GRID2: variants seen among roughly 807,000 people sequenced by gnomAD.
GRID2 encodes the protein glutamate ionotropic receptor delta type subunit 2.
Under a neutral mutation model 114.8 loss-of-function variants are expected in GRID2, and 33 were observed. That is an observed-to-expected ratio of 0.29 (90% confidence interval 0.22 to 0.38). The LOEUF is 0.38. GRID2 is among the 10% of genes least tolerant of loss of function. GRID2 has a pLI of 1.00. For missense variants in GRID2, 1,184 were observed against 1,257.7 expected, an observed-to-expected ratio of 0.94 and a Z score of 0.89; for synonymous variants, 505 against 449.9, an observed-to-expected ratio of 1.12 and a Z score of -1.55.
At chr4:93,676,703 C>A (rs180892682) in intron 14 of GRID2, among the ~76,000 whole-genome samples, 1 of 149,080 alleles carries the variant, frequency 6.7e-6, no homozygotes, top group Admixed American at 6.7e-5. Context: ...TGCACATATA[C>A]CCTAAAACTT....
In GRID2 at chr4:92,798,951, C is replaced by T. The variant is rs528065040; in HGVS notation, c.244+208665C>T. 2.0e-5 allele frequency among the ~76,000 whole-genome samples: 3 copies of T among 152,086 alleles called. No homozygotes were observed. In the Middle Eastern group the frequency reaches 0.01, roughly 517 times the overall value. ...TCCTAAGGCTACTATAACAAATGCACACTGGATAGCTTAAACCAATGGTCC... is the reference window on the plus strand; with the variant it reads ...TCCTAAGGCTACTATAACAAATGCATACTGGATAGCTTAAACCAATGGTCC... On this transcript the variant is annotated intron_variant, in intron 2 of 15. Transcript: ENST00000282020.
chr4:92,913,046 G>A (rs935529150), intron 2 of GRID2, among the ~76,000 whole-genome samples: 3 of 151,434 alleles, frequency 2.0e-5, no homozygotes, highest in African/African-American at 4.8e-5. Context: ...ATAACTTTGT[G>A]GTTTAAGATT....
rs75496532 is a variant in GRID2 at position 93,481,246 on chromosome 4, C to T, written c.1859-9393C>T. Among the ~76,000 whole-genome samples, 137 of 152,134 alleles carry T rather than the reference C, an allele frequency of 9.0e-4. 1 individual carries two copies. The highest frequency in any genetic ancestry group is 3.1e-3 in the African/African-American group (127 of 41,540). ...TTTCCTATGTCAAGTTATTGAAAAG[C>T]ATTTGTGCAGAAGAAGGCTGATTCC... On this transcript the variant is annotated intron_variant, in intron 11 of 15. Transcript: ENST00000282020.
chr4:92,833,215 C>T (rs1055549529), intron 2 of GRID2, among the ~76,000 whole-genome samples: 2 of 152,104 alleles, frequency 1.3e-5, no homozygotes, highest in South Asian at 2.1e-4. Flanking sequence ...TCCAGAGAAG[C>T]GGGGGAAGTC....
intron 1 of GRID2, among the ~76,000 whole-genome samples, chr4:92,375,106 AG>A (rs1394688922): frequency 6.6e-6 from 1 of 152,156 alleles, no homozygotes; most frequent in Non-Finnish European, 1.5e-5. Context: ...ATGAACCTAA[AG>A]CAAGTTTTCC....
At chr4:93,533,261 CCT>C (rs1731651869) in intron 13 of GRID2, among the ~76,000 whole-genome samples, 1 of 32,696 alleles carries the variant, frequency 3.1e-5, no homozygotes, top group Non-Finnish European at 8.8e-5. Flanking sequence ...TTCCTTCCTT[CCT>C]TCCTTCCTTC....
At chr4:92,932,133 A>G (rs1779099197) in intron 2 of GRID2, among the ~76,000 whole-genome samples, 1 of 151,314 alleles carries the variant, frequency 6.6e-6, no homozygotes, top group African/African-American at 2.4e-5. Flanking sequence ...TAGATAAGAA[A>G]AAGAGTCGGG....
intron 2 of GRID2, among the ~76,000 whole-genome samples, chr4:93,069,219 C>A (rs1362596421): frequency 6.6e-6 from 1 of 151,096 alleles, no homozygotes; most frequent in Non-Finnish European, 1.5e-5. Flanking sequence ...CAAACTATAT[C>A]AATCCATGTA....
At chr4:92,787,362 A>G (rs1161255271) in intron 2 of GRID2, among the ~76,000 whole-genome samples, 1 of 151,930 alleles carries the variant, frequency 6.6e-6, no homozygotes, top group African/African-American at 2.4e-5. Context: ...TAGGGGTTCC[A>G]GGAATGAAAA....
Position 92,998,335 on chromosome 4 carries a change from A to C in GRID2, c.245-86660A>C, listed in dbSNP as rs1755330716. Among the ~76,000 whole-genome samples, 4 of 152,164 alleles carry C rather than the reference A, an allele frequency of 2.6e-5. No individual in the cohort carries two copies. In the South Asian group the frequency reaches 8.3e-4, roughly 32 times the overall value. ...CTATTTTCACTGATCTTAATCAAAG[A>C]AAATTATATTCTCTACATCATAATG... is the stretch of plus-strand genomic sequence containing the variant. On this transcript the variant is annotated intron_variant, in intron 2 of 15. Coordinates refer to ENST00000282020, the MANE Select transcript of GRID2 (RefSeq NM_001510.4).
At chr4:93,347,846 T>A (rs1760394672) in intron 8 of GRID2, among the ~76,000 whole-genome samples, 1 of 152,184 alleles carries the variant, frequency 6.6e-6, no homozygotes, top group Non-Finnish European at 1.5e-5. Flanking sequence ...CACTACCTTA[T>A]ACTGCATCTC....
chr4:92,818,835 G>T (rs977765150), intron 2 of GRID2, among the ~76,000 whole-genome samples: 1 of 152,058 alleles, frequency 6.6e-6, no homozygotes, highest in Non-Finnish European at 1.5e-5. Flanking sequence ...ATACTTACTT[G>T]AAGCATGTTT....
At chr4:92,826,857 T>G (rs1212755602) in intron 2 of GRID2, among the ~76,000 whole-genome samples, 3 of 152,106 alleles carry the variant, frequency 2.0e-5, no homozygotes, top group Non-Finnish European at 4.4e-5. Context: ...AGACTGGTAA[T>G]TGGTTTGATT....
At chr4:93,630,248 A>G (rs530555832) in intron 14 of GRID2, among the ~76,000 whole-genome samples, 1 of 152,172 alleles carries the variant, frequency 6.6e-6, no homozygotes, top group African/African-American at 2.4e-5. Context: ...CTTGCAGTGA[A>G]TTCTCTACCT....
chr4:93,433,360 G>A (rs1361444286), intron 10 of GRID2, among the ~76,000 whole-genome samples: 1 of 152,108 alleles, frequency 6.6e-6, no homozygotes, highest in Non-Finnish European at 1.5e-5. Flanking sequence ...GGTTTGTCTG[G>A]TGGAGGTGAT....
In GRID2 at chr4:92,826,363, C is replaced by T. The variant is rs1389923561; in HGVS notation, c.244+236077C>T. Among the ~76,000 whole-genome samples the T allele has an allele frequency of 7.2e-5, 11 of 152,062 alleles. No individual in the cohort carries two copies. In the East Asian group the frequency reaches 2.1e-3, roughly 29 times the overall value. On this transcript the variant is annotated intron_variant, in intron 2 of 15. Coordinates refer to ENST00000282020, the MANE Select transcript of GRID2 (RefSeq NM_001510.4). ...TCATTGAGGCTTTTCCTGGATGCAC[C>T]ATCTAATGACGTTCCAACCAGCAAT...
In GRID2 at chr4:92,542,059, T is replaced by G. The variant is rs1342411357; in HGVS notation, c.89-48072T>G. On this transcript the variant is annotated intron_variant, in intron 1 of 15. Coordinates refer to ENST00000282020, the MANE Select transcript of GRID2 (RefSeq NM_001510.4). Reference sequence around the variant, plus strand: ...CAAGAAAGGCCATATCACAATGTAATAACTGTGGTTCTTAGGTCAAGAATA... The same window carrying G: ...CAAGAAAGGCCATATCACAATGTAAGAACTGTGGTTCTTAGGTCAAGAATA... Among the ~76,000 whole-genome samples the G allele has an allele frequency of 3.3e-5, 5 of 152,182 alleles. No homozygotes were observed. In the East Asian group the frequency reaches 9.6e-4, roughly 29 times the overall value.
chr4:93,334,380 G>GA (rs5860324), intron 8 of GRID2, among the ~76,000 whole-genome samples: 21 of 150,702 alleles, frequency 1.4e-4, no homozygotes, highest in Admixed American at 9.9e-4. Context: ...GACTTACTGT[G>GA]AAAAAAAAAC....
chr4:92,701,710 T>G (rs1734684130), intron 2 of GRID2, among the ~76,000 whole-genome samples: 1 of 152,186 alleles, frequency 6.6e-6, no homozygotes, highest in South Asian at 2.1e-4. Context: ...AGGACATATT[T>G]TCTTGCCTCA....
Sources: allele counts gnomAD v4.1 joint callset (sites outside exome capture counted in the v4.1 genomes callset), GRCh38; gene constraint gnomAD v4.1.1; transcripts MANE v1.5; gene names NCBI Gene and HGNC (gene_info 2026-07-23, HGNC 2026-07-21).